The following LSAMP variants were observed in gnomAD, a reference collection of about 807,000 sequenced individuals.
The protein encoded by LSAMP is limbic system-associated membrane protein.
A neutral mutation model predicts 38.6 loss-of-function variants in LSAMP; 7 were observed. The observed-to-expected ratio is 0.18, with a 90% CI of 0.10 to 0.34. The LOEUF is 0.34. LSAMP is among the 10% of genes least tolerant of loss of function. The pLI, the probability that LSAMP is intolerant of heterozygous loss-of-function variation, is 1.00. For missense variants in LSAMP, 313 were observed against 420.0 expected (o/e 0.75, Z 2.23); for synonymous variants, 154 against 166.8 (o/e 0.92, Z 0.59).
chr3:116,389,614 A>T (rs2048666896), intron 1 of LSAMP, among the ~76,000 whole-genome samples: 1 of 152,152 alleles, frequency 6.6e-6, no homozygotes, highest in Admixed American at 6.5e-5. Context: ...CGGCAGGGTC[A>T]CAGGAAACGA....
At chr3:116,335,986 A>C (rs1175178207) in intron 1 of LSAMP, among the ~76,000 whole-genome samples, 1 of 152,096 alleles carries the variant, frequency 6.6e-6, no homozygotes, top group African/African-American at 2.4e-5. Context: ...AATTTTTGAC[A>C]AGGCTGTCAA....
rs1415439728 is a variant in LSAMP at position 116,087,495 on chromosome 3, C to A, written c.156-939G>T. The stretch of plus-strand genomic sequence containing the variant: ...CTAGCAGAAAACAAAAACAAAAAAA[C>A]CTTCTGTCTGCATCCCTGTGGCAAG... On this transcript the variant is annotated intron_variant, in intron 1 of 6. Transcript: ENST00000490035. Among the ~76,000 whole-genome samples, 9 of 152,282 alleles carry A rather than the reference C, an allele frequency of 5.9e-5. No individual in the cohort carries two copies. In the South Asian group the frequency reaches 1.2e-3, roughly 21 times the overall value.
intron 1 of LSAMP, among the ~76,000 whole-genome samples, chr3:116,408,518 C>T (rs1209758400): frequency 1.3e-5 from 2 of 152,018 alleles, no homozygotes; most frequent in Non-Finnish European, 2.9e-5. Flanking sequence ...CTTAATCACA[C>T]CTGAATGACT....
intron 1 of LSAMP, among the ~76,000 whole-genome samples, chr3:116,421,333 G>A (rs1005547007): frequency 6.6e-6 from 1 of 152,084 alleles, no homozygotes; most frequent in Non-Finnish European, 1.5e-5. Context: ...ACTTTGGGAG[G>A]CTGAGGCGGG....
At chr3:115,846,891 A>T (rs1935177350) in intron 4 of LSAMP, among the ~76,000 whole-genome samples, 1 of 152,228 alleles carries the variant, frequency 6.6e-6, no homozygotes, top group South Asian at 2.1e-4. Flanking sequence ...ATTAGGAATC[A>T]GGAAATGCAG....
At chr3:116,386,345 C>T (rs536770816) in intron 1 of LSAMP, among the ~76,000 whole-genome samples, 2 of 152,202 alleles carry the variant, frequency 1.3e-5, no homozygotes, top group South Asian at 2.1e-4. Flanking sequence ...TATCTCCTAC[C>T]TCCAAAATTC....
chr3:116,103,010 A>C (rs921760021), intron 1 of LSAMP, among the ~76,000 whole-genome samples: 10 of 149,302 alleles, frequency 6.7e-5, no homozygotes, highest in East Asian at 1.9e-4. Flanking sequence ...CCACCCCCCC[A>C]AAAAAAACTT....
At chr3:116,198,593 C>T (rs559396656) in intron 1 of LSAMP, among the ~76,000 whole-genome samples, 1 of 150,888 alleles carries the variant, frequency 6.6e-6, no homozygotes, top group Non-Finnish European at 1.5e-5. Context: ...CACAGTGAAA[C>T]CCCGTCTCTA....
chr3:116,151,586 C>A (rs1166961487), intron 1 of LSAMP, among the ~76,000 whole-genome samples: 2 of 151,978 alleles, frequency 1.3e-5, no homozygotes, highest in Admixed American at 1.3e-4. Flanking sequence ...CCTTCTCTTC[C>A]CTCAAGTCGC....
intron 3 of LSAMP, among the ~76,000 whole-genome samples, chr3:116,016,616 T>G (rs1235759413): frequency 1.3e-5 from 2 of 152,124 alleles, no homozygotes; most frequent in Non-Finnish European, 2.9e-5. Context: ...ATAGAAAATA[T>G]TTTACATTTG....
At chr3:116,435,051 C>A (rs1243513935) in intron 1 of LSAMP, among the ~76,000 whole-genome samples, 2 of 152,134 alleles carry the variant, frequency 1.3e-5, no homozygotes, top group Non-Finnish European at 2.9e-5. Flanking sequence ...TCAGTTCTTA[C>A]TTAATGTCAG....
At chr3:115,910,289 T>C (rs1212699099) in intron 3 of LSAMP, among the ~76,000 whole-genome samples, 3 of 152,178 alleles carry the variant, frequency 2.0e-5, no homozygotes, top group Non-Finnish European at 2.9e-5. Flanking sequence ...TCCTAAGAAT[T>C]TGGAATATAG....
At chr3:116,051,537 A>G (rs1283643418) in intron 2 of LSAMP, among the ~76,000 whole-genome samples, 1 of 152,170 alleles carries the variant, frequency 6.6e-6, no homozygotes, top group African/African-American at 2.4e-5. Context: ...TTCCAGCTCC[A>G]ACAACCCTTA....
intron 1 of LSAMP, among the ~76,000 whole-genome samples, chr3:116,208,943 C>G (rs556162906): frequency 1.3e-5 from 2 of 152,192 alleles, no homozygotes; most frequent in African/African-American, 2.4e-5. Context: ...TGGAGCTTCC[C>G]GGCTGCTTTG....
At chr3:115,880,446 T>C (rs1936291823) in intron 3 of LSAMP, among the ~76,000 whole-genome samples, 1 of 152,184 alleles carries the variant, frequency 6.6e-6, no homozygotes, top group South Asian at 2.1e-4. Flanking sequence ...TTCTGTTGTT[T>C]ACAATCAAAG....
At chr3:116,215,007 G>A (rs996227556) in intron 1 of LSAMP, among the ~76,000 whole-genome samples, 1 of 152,112 alleles carries the variant, frequency 6.6e-6, no homozygotes, top group African/African-American at 2.4e-5. Flanking sequence ...ACTTTAAAAT[G>A]ATACTTTGGG....
chr3:116,237,798 T>A (rs920956821), intron 1 of LSAMP, among the ~76,000 whole-genome samples: 5 of 152,286 alleles, frequency 3.3e-5, no homozygotes, highest in Middle Eastern at 6.8e-3. Flanking sequence ...TACTGCATAA[T>A]TCAACAACAC....
intron 6 of LSAMP, among the ~76,000 whole-genome samples, chr3:115,831,062 T>C (rs73858080): frequency 0.056 from 8,566 of 152,262 alleles, 335 homozygotes; most frequent in African/African-American, 0.11. Flanking sequence ...TGAAAAAGCT[T>C]TGGACAGCTG....
intron 1 of LSAMP, among the ~76,000 whole-genome samples, chr3:116,380,669 CT>C (rs2048547186): frequency 6.6e-6 from 1 of 152,050 alleles, no homozygotes; most frequent in Non-Finnish European, 1.5e-5. Context: ...ATATAAAGAG[CT>C]CTATAACTTA....
Sources: allele counts gnomAD v4.1 joint callset (sites outside exome capture counted in the v4.1 genomes callset), GRCh38; gene constraint gnomAD v4.1.1; transcripts MANE v1.5; gene names NCBI Gene and HGNC (gene_info 2026-07-23, HGNC 2026-07-21).